Variants in DNAH8 observed in about 807,000 individuals in gnomAD.
The protein encoded by DNAH8 is axonemal beta dynein heavy chain 8.
A neutral mutation model predicts 562.1 loss-of-function variants in DNAH8; 382 were observed. The observed-to-expected ratio is 0.68, with a 90% CI of 0.63 to 0.74. The LOEUF (loss-of-function observed/expected upper bound fraction) is 0.74. Among genes scored for constraint, DNAH8 ranks in the 30% least tolerant of loss-of-function variants. The probability of loss-of-function intolerance (pLI) is 0.00; values close to 1 mark genes in which losing one functional copy is unlikely to be tolerated. For missense variants in DNAH8, 5,203 were observed against 5,620.4 expected (o/e 0.93, Z 2.37); for synonymous variants, 1,881 against 1,919.4 (o/e 0.98, Z 0.52).
intron 79 of DNAH8, among the ~76,000 whole-genome samples, chr6:38,941,285 C>G (rs1387725205): frequency 1.6e-4 from 25 of 152,202 alleles, no homozygotes; most frequent in Admixed American, 1.6e-3. Flanking sequence ...CTTTTGTCCT[C>G]TGCAGCCTAT....
chr6:39,027,157 C>T (rs1035086216), intron 92 of DNAH8, among the ~76,000 whole-genome samples: 3 of 151,960 alleles, frequency 2.0e-5, no homozygotes, highest in South Asian at 2.1e-4. Context: ...ATTGCTTGAG[C>T]CCCGGAGGTT....
At position 38,870,470 on chromosome 6, in the gene DNAH8, A is replaced by G. The variant is rs1583229744; in HGVS notation, c.6898A>G (p.Asn2300Asp). 1 of 1,614,104 alleles carries G rather than the reference A, an allele frequency of 6.2e-7. No homozygotes were observed. Among genetic ancestry groups the G allele is most frequent in the Non-Finnish European group, 8.5e-7 (1 of 1,179,952 alleles). ...GTTCCCAGGACTGCAACTGGATAGT[A>G]ATACTTATGCAGAACTGCAAAACGC... is the stretch of plus-strand genomic sequence containing the variant. ...DLFPGLQLDS[N>D]TYAELQNAVA... Residue 2300 changes from asparagine to aspartate, a missense_variant, in exon 49 of 93, where the codon AAT becomes GAT. Physicochemically the swap from Asn to Asp is conservative, Grantham distance 23. This residue lies in a region of DNAH8 where 2,176 missense variants were observed against 2,365.1 expected (regional missense o/e 0.92). Transcript: ENST00000327475.
intron 18 of DNAH8, 113 bp from the exon 19 acceptor site, chr6:38,789,690 G>C (rs957955765): frequency 6.5e-5 from 45 of 694,732 alleles, no homozygotes; most frequent in Non-Finnish European, 1.0e-4. Context: ...CAGCTGTCAT[G>C]ATGACAGGAC....
intron 1 of DNAH8, among the ~76,000 whole-genome samples, chr6:38,720,788 C>A (rs1313741631): frequency 6.6e-6 from 1 of 151,964 alleles, no homozygotes; most frequent in African/African-American, 2.4e-5. Context: ...AATATGTGAA[C>A]CCTCTCACCA....
Position 38,951,670 on chromosome 6 carries a change from C to T in DNAH8, c.12451+150C>T, listed in dbSNP as rs1364581941. 4.3e-6 allele frequency: 3 copies of T among 694,404 alleles called. No individual in the cohort carries two copies. In the African/African-American group the frequency reaches 5.4e-5, roughly 12 times the overall value. The allele number at this position is 694,404 out of a possible 1,614,324, so 43.0% of individuals were successfully genotyped here. On this transcript the variant is annotated intron_variant, in intron 82 of 92. Coordinates refer to ENST00000327475, the MANE Select transcript of DNAH8 (RefSeq NM_001206927.2). ...CTTATTCCTCTTTCATCCTTTCATA[C>T]CTCCTAAAGTGAGGGTATGATATAG...
intron 63 of DNAH8, 120 bp from the exon 64 acceptor site, chr6:38,907,836 T>C: frequency 1.2e-6 from 1 of 855,182 alleles, no homozygotes; most frequent in Middle Eastern, 2.7e-4. Context: ...ACTGTGGAGA[T>C]GCTGAAAGAA....
intron 48 of DNAH8, 107 bp from the exon 49 acceptor site, chr6:38,870,294 T>C: frequency 1.0e-6 from 1 of 960,684 alleles, no homozygotes; most frequent in Non-Finnish European, 1.6e-6. Context: ...AGGAGAGTAA[T>C]AAATGGTTCT....
At chr6:38,853,687 A>G (rs975041090) in intron 41 of DNAH8, among the ~76,000 whole-genome samples, 1 of 151,782 alleles carries the variant, frequency 6.6e-6, no homozygotes, top group Non-Finnish European at 1.5e-5. Context: ...TCTCCCAACA[A>G]ACTCATCATA....
intron 62 of DNAH8, among the ~76,000 whole-genome samples, chr6:38,904,245 T>C (rs538479479): frequency 1.8e-4 from 28 of 152,220 alleles, no homozygotes; most frequent in South Asian, 4.1e-4. Context: ...ATAAGACTCA[T>C]GGATGTGGAG....
chr6:38,993,990 C>T (rs1246331976), intron 88 of DNAH8, among the ~76,000 whole-genome samples: 1 of 152,096 alleles, frequency 6.6e-6, no homozygotes, highest in Non-Finnish European at 1.5e-5. Flanking sequence ...GTCAAATTCC[C>T]TTACATAGGG....
At chr6:38,972,490 T>C (rs1221262940) in intron 83 of DNAH8, among the ~76,000 whole-genome samples, 2 of 152,218 alleles carry the variant, frequency 1.3e-5, no homozygotes, top group Admixed American at 1.3e-4. Context: ...AAAGCAATTA[T>C]ACATAATTAT....
Position 38,906,315 on chromosome 6 carries a change from G to T in DNAH8, c.9256G>T (p.Asp3086Tyr). Residue 3086 changes from aspartate (D) to tyrosine (Y), a missense_variant, in exon 63 of 93, where the codon GAT becomes TAT. By Grantham distance (160) the Asp-to-Tyr change is radical. Transcript: ENST00000327475. ...LKALYKVAGADGKGITFIFTD... is the reference protein window; with the variant it reads ...LKALYKVAGAYGKGITFIFTD... ...AGCTTTGTACAAAGTTGCTGGTGCT[G>T]ATGGAAAAGGCATCACTTTCATCTT... is the stretch of plus-strand genomic sequence containing the variant. The T allele has an allele frequency of 6.2e-7, 1 of 1,610,372 alleles. No homozygotes were observed. Among genetic ancestry groups the T allele is most frequent in the Non-Finnish European group, 8.5e-7 (1 of 1,177,586 alleles).
At chr6:38,830,323 A>C (rs896992074) in intron 30 of DNAH8, among the ~76,000 whole-genome samples, 1 of 152,164 alleles carries the variant, frequency 6.6e-6, no homozygotes, top group African/African-American at 2.4e-5. Context: ...TTTATACACC[A>C]AAATTAGACA....
Position 38,773,207 on chromosome 6 carries a change from T to C in DNAH8, c.1765-2547T>C, listed in dbSNP as rs742727. Among the ~76,000 whole-genome samples the C allele has an allele frequency of 0.011, 1,657 of 152,186 alleles. 85 individuals are homozygous for C. In the East Asian group the frequency reaches 0.15, roughly 14 times the overall value. ...GTCTCATTGGTCAGGACAAAGATGC[T>C]TAATGTTCTGACTCCACTAGAGCAA... On this transcript the variant is annotated intron_variant, in intron 12 of 92. Coordinates refer to ENST00000327475, the MANE Select transcript of DNAH8 (RefSeq NM_001206927.2).
In DNAH8 at chr6:38,947,660, G is replaced by A. The variant is rs74986812; in HGVS notation, c.12130-1792G>A. Reference sequence around the variant, plus strand: ...CGCAACACCCAGGCCCTGGCATGCAGGCATCTTCTTTGAGGGCAGCCAACC... The same window carrying A: ...CGCAACACCCAGGCCCTGGCATGCAAGCATCTTCTTTGAGGGCAGCCAACC... On this transcript the variant is annotated intron_variant, in intron 80 of 92. Transcript: ENST00000327475. Among the ~76,000 whole-genome samples the A allele has an allele frequency of 1.3e-3, 202 of 152,300 alleles. 2 individuals are homozygous for A. Among genetic ancestry groups the A allele is most frequent in the African/African-American group, 4.4e-3 (181 of 41,558 alleles).
chr6:38,873,030 T>C lies in DNAH8; in HGVS notation c.7362T>C (p.Pro2454=), dbSNP rs781767408. ...ATGGAGATCGCATTCCCATGGCCCCTAGTTGTAAGCTTCTGTTTGAAGTCC... is the reference window on the plus strand; with the variant it reads ...ATGGAGATCGCATTCCCATGGCCCCCAGTTGTAAGCTTCTGTTTGAAGTCC... ...LANGDRIPMA[P]SCKLLFEVHN... is the part of the protein sequence containing the mutation. The change falls in exon 51 of 93, where the codon CCT becomes CCC. Residue 2454 remains proline (P), a synonymous_variant. Transcript: ENST00000327475. 1.2e-6 allele frequency: 2 copies of C among 1,614,016 alleles called. No individual in the cohort carries two copies. The highest frequency in any genetic ancestry group is 1.1e-5 in the South Asian group (1 of 91,086).
chr6:38,884,021 A>G, intron 56 of DNAH8, 23 bp downstream of exon 56: 1 of 1,440,190 alleles, frequency 6.9e-7, no homozygotes, highest in Middle Eastern at 1.8e-4. Flanking sequence ...TATCTCATAT[A>G]GATGATCCTG....
intron 88 of DNAH8, among the ~76,000 whole-genome samples, chr6:39,001,503 G>A (rs1277807014): frequency 1.3e-5 from 2 of 151,994 alleles, no homozygotes; most frequent in African/African-American, 2.4e-5. Context: ...AGCTATAATC[G>A]ATGAAAAAAT....
intron 80 of DNAH8, among the ~76,000 whole-genome samples, chr6:38,947,726 G>T (rs1178291859): frequency 1.3e-5 from 2 of 151,286 alleles, no homozygotes; most frequent in Admixed American, 6.6e-5. Flanking sequence ...GATGGCAGTT[G>T]TGAAACATTT....
Sources: gnomAD v4.1 joint callset for allele counts (sites outside exome capture counted in the v4.1 genomes callset) on GRCh38, gnomAD v4.1.1 for gene constraint, gnomAD v4.1.1 regional missense constraint, MANE v1.5 for transcripts, NCBI Gene and HGNC (gene_info 2026-07-23, HGNC 2026-07-21) for gene names.